Variants in ARHGAP25 observed in about 807,000 individuals in gnomAD.
ARHGAP25 encodes rho GTPase-activating protein 25.
A neutral mutation model predicts 71.0 loss-of-function variants in ARHGAP25; 34 were observed. The ratio of observed to expected loss-of-function variants is 0.48; its 90% CI spans 0.36 to 0.64. The LOEUF (loss-of-function observed/expected upper bound fraction) is 0.64. Ranked by LOEUF, ARHGAP25 falls within the 30% of genes least tolerant of loss-of-function variation. The pLI is 0.00. For synonymous variants in ARHGAP25, 282 were observed against 296.5 expected (o/e 0.95, Z 0.50); for missense variants, 706 against 805.1 (o/e 0.88, Z 1.49).
intron 3 of ARHGAP25, among the ~76,000 whole-genome samples, chr2:68,786,412 C>T (rs1012527634): frequency 2.6e-5 from 4 of 152,166 alleles, no homozygotes; most frequent in African/African-American, 9.7e-5. Flanking sequence ...TGTTTGGCAG[C>T]AACTCACTGG....
intron 10 of ARHGAP25, among the ~76,000 whole-genome samples, chr2:68,824,164 GAC>G (rs1681916369): frequency 6.6e-6 from 1 of 152,190 alleles, no homozygotes; most frequent in East Asian, 1.9e-4. Flanking sequence ...AGACTTCTGT[GAC>G]ATCTTGGCAG....
At chr2:68,814,326 A>T (rs760965978) in intron 6 of ARHGAP25, among the ~76,000 whole-genome samples, 2 of 152,226 alleles carry the variant, frequency 1.3e-5, no homozygotes, top group Non-Finnish European at 2.9e-5. Context: ...TGCACCGTTC[A>T]ATATGGTGAC....
intron 4 of ARHGAP25, 107 bp downstream of exon 4, chr2:68,788,063 A>G (rs1678882760): frequency 1.1e-6 from 1 of 885,360 alleles, no homozygotes; most frequent in South Asian, 1.4e-5. Flanking sequence ...GGAGACAACC[A>G]GAAAGCAGTT....
intron 5 of ARHGAP25, among the ~76,000 whole-genome samples, chr2:68,810,736 T>A (rs78726581): frequency 2.2e-5 from 2 of 92,606 alleles, no homozygotes; most frequent in Non-Finnish European, 4.5e-5. Flanking sequence ...CTTCTCTTTT[T>A]TTTTTTTTTT....
chr2:68,774,932 G>A (rs1444030523), intron 1 of ARHGAP25: 2 of 1,405,064 alleles, frequency 1.4e-6, no homozygotes. Context: ...CCAACCTTTC[G>A]GTTTGCAGAA....
Position 68,735,270 on chromosome 2 carries a change from G to C in ARHGAP25, c.61+10G>C. 2 of 1,613,510 alleles carry C rather than the reference G, an allele frequency of 1.2e-6. No homozygotes were observed. Among genetic ancestry groups the C allele is most frequent in the Admixed American group, 3.3e-5 (2 of 60,026 alleles). On this transcript the variant is annotated intron_variant, in intron 1 of 10. Coordinates refer to ENST00000409202, the MANE Select transcript of ARHGAP25 (RefSeq NM_001007231.3). ...GAGGCTGCGAAAATAGGTATGGTTG[G>C]TGTCTTTTCGTTGCCTCTGTGATTC...
intron 5 of ARHGAP25, among the ~76,000 whole-genome samples, chr2:68,812,526 G>A (rs1366310521): frequency 1.3e-5 from 2 of 152,214 alleles, no homozygotes; most frequent in African/African-American, 2.4e-5. Context: ...GAGTTCATCT[G>A]AGGTACTCTT....
intron 1 of ARHGAP25, among the ~76,000 whole-genome samples, chr2:68,747,588 C>T (rs779082413): frequency 3.9e-5 from 6 of 152,290 alleles, no homozygotes; most frequent in Non-Finnish European, 8.8e-5. Context: ...CATACATTAG[C>T]TCCAACGTCT....
Position 68,782,263 on chromosome 2 carries a change from AAGG to A in ARHGAP25, c.295_297del (p.Glu99del). On this transcript the variant is annotated inframe_deletion, in exon 3 of 11. Coordinates refer to ENST00000409202, the MANE Select transcript of ARHGAP25 (RefSeq NM_001007231.3). Reference sequence around the variant, plus strand: ...CATGTATCTACCAGGATGTACAATCAAGGAGATCGCCACAAACCCAGAAGAAGC... The same window carrying A: ...CATGTATCTACCAGGATGTACAATCAAGATCGCCACAAACCCAGAAGAAGC... The A allele has an allele frequency of 6.2e-7, 1 of 1,614,138 alleles. No homozygotes were observed. Among genetic ancestry groups the A allele is most frequent in the South Asian group, 1.1e-5 (1 of 91,076 alleles).
At chr2:68,773,283 G>A (rs959338556) in intron 1 of ARHGAP25, among the ~76,000 whole-genome samples, 4 of 152,208 alleles carry the variant, frequency 2.6e-5, no homozygotes, top group Non-Finnish European at 5.9e-5. Flanking sequence ...TATAAATAAA[G>A]ATTGAGAATC....
chr2:68,747,187 A>T (rs752967225), intron 1 of ARHGAP25, among the ~76,000 whole-genome samples: 9 of 151,966 alleles, frequency 5.9e-5, no homozygotes, highest in Admixed American at 2.0e-4. Flanking sequence ...CCTTGAAAAA[A>T]AATTTTTTAG....
At chr2:68,795,744 G>T (rs941838620) in intron 4 of ARHGAP25, among the ~76,000 whole-genome samples, 1 of 152,144 alleles carries the variant, frequency 6.6e-6, no homozygotes, top group Non-Finnish European at 1.5e-5. Context: ...TTTTGCAATT[G>T]TTATATAGAA....
chr2:68,748,076 T>C (rs1484979201), intron 1 of ARHGAP25, among the ~76,000 whole-genome samples: 1 of 152,216 alleles, frequency 6.6e-6, no homozygotes, highest in Non-Finnish European at 1.5e-5. Context: ...TTCAAACTCA[T>C]GATCTATGCC....
chr2:68,762,075 A>G (rs962378678), intron 1 of ARHGAP25, among the ~76,000 whole-genome samples: 3 of 152,214 alleles, frequency 2.0e-5, no homozygotes, highest in Non-Finnish European at 4.4e-5. Context: ...ATTCTGCAAT[A>G]TGCTATAGCA....
chr2:68,768,903 G>C (rs1677299105), intron 1 of ARHGAP25, among the ~76,000 whole-genome samples: 1 of 152,158 alleles, frequency 6.6e-6, no homozygotes, highest in Admixed American at 6.5e-5. Context: ...AGATCCATCA[G>C]GGCTGTGTCT....
intron 1 of ARHGAP25, among the ~76,000 whole-genome samples, chr2:68,764,894 A>G (rs1558621678): frequency 6.6e-6 from 1 of 152,218 alleles, no homozygotes; most frequent in Non-Finnish European, 1.5e-5. Context: ...GCATGCAGAT[A>G]GAATCCTTCT....
chr2:68,725,993 A>G (rs912825909), intron 2 of ARHGAP25, among the ~76,000 whole-genome samples: 1 of 151,332 alleles, frequency 6.6e-6, no homozygotes, highest in African/African-American at 2.4e-5. Flanking sequence ...TAAAAATGCA[A>G]TCTCCCTCCC....
chr2:68,763,239 A>G (rs1274621181), intron 1 of ARHGAP25, among the ~76,000 whole-genome samples: 2 of 152,244 alleles, frequency 1.3e-5, no homozygotes, highest in Non-Finnish European at 1.5e-5. Flanking sequence ...CACAGCAGTG[A>G]AAATTTTCAT....
intron 2 of ARHGAP25, among the ~76,000 whole-genome samples, chr2:68,726,129 A>G (rs1674877669): frequency 6.6e-6 from 1 of 152,032 alleles, no homozygotes; most frequent in South Asian, 2.1e-4. Flanking sequence ...CTCTTTCCTC[A>G]TTAGAACAAG....
Sources: gnomAD v4.1 joint callset for allele counts (sites outside exome capture counted in the v4.1 genomes callset) on GRCh38, gnomAD v4.1.1 for gene constraint, MANE v1.5 for transcripts, NCBI Gene and HGNC (gene_info 2026-07-23, HGNC 2026-07-21) for gene names.